Variants in DST observed in about 807,000 individuals in gnomAD.
The protein encoded by DST is dystonin.
A neutral mutation model predicts 875.2 loss-of-function variants in DST; 253 were observed. The ratio of observed to expected loss-of-function variants is 0.29; its 90% CI spans 0.26 to 0.32. DST has a LOEUF of 0.32. Among genes scored for constraint, DST ranks in the 10% least tolerant of loss-of-function variants. The pLI, the probability that DST is intolerant of heterozygous loss-of-function variation, is 1.00. For synonymous variants in DST, 3,124 were observed against 3,197.1 expected (o/e 0.98, Z 0.77); for missense variants, 8,287 against 9,111.6 (o/e 0.91, Z 3.68).
chr6:56,642,803 C>T (rs2098919512), intron 15 of DST: 3 of 1,613,596 alleles, frequency 1.9e-6, no homozygotes, highest in Non-Finnish European at 1.7e-6. Context: ...ATTCCTGAAA[C>T]GATGTTCTTT....
intron 5 of DST, among the ~76,000 whole-genome samples, chr6:56,713,704 A>C (rs565643912): frequency 1.9e-4 from 29 of 152,254 alleles, no homozygotes; most frequent in Admixed American, 5.2e-4. Flanking sequence ...CTTTCAGAGC[A>C]TTATTTCCTA....
At chr6:56,632,526 T>C (rs566782410) in intron 28 of DST, among the ~76,000 whole-genome samples, 39 of 152,348 alleles carry the variant, frequency 2.6e-4, no homozygotes, top group African/African-American at 8.9e-4. Context: ...TTAATCCTTG[T>C]ATAAAATCCA....
At chr6:56,926,061 G>A (rs373119885) in intron 2 of DST, among the ~76,000 whole-genome samples, 76 of 152,076 alleles carry the variant, frequency 5.0e-4, no homozygotes, top group Middle Eastern at 3.4e-3. Flanking sequence ...TCCACAATGT[G>A]AACATAAATC....
rs776367127 is a variant in DST at position 56,616,372 on chromosome 6, T to C, written c.4930-1888A>G. 1.2e-5 allele frequency: 19 copies of C among 1,613,578 alleles called. No individual in the cohort carries two copies. Among genetic ancestry groups the C allele is most frequent in the Middle Eastern group, 1.6e-4 (1 of 6,084 alleles). On this transcript the variant is annotated intron_variant, in intron 36 of 103. Transcript: ENST00000680361. ...ATTGCTGCCCTGAAAGTTCAAGATATATACTTTTCTCAATCAGGTTTCTCT... is the reference window on the plus strand; with the variant it reads ...ATTGCTGCCCTGAAAGTTCAAGATACATACTTTTCTCAATCAGGTTTCTCT...
intron 4 of DST, among the ~76,000 whole-genome samples, chr6:56,754,393 T>A: frequency 6.6e-6 from 1 of 152,330 alleles, no homozygotes; most frequent in South Asian, 2.1e-4. Context: ...TCTTTCTAAG[T>A]TCTATGTTCT....
At chr6:56,735,354 C>T (rs2099519048) in intron 4 of DST, 65 bp from the exon 5 acceptor site, 3 of 936,288 alleles carry the variant, frequency 3.2e-6, no homozygotes, top group African/African-American at 3.3e-5. Flanking sequence ...ACTTTGTGAT[C>T]ATGAATATAA....
chr6:56,719,218 G>A (rs1333917155), intron 5 of DST, among the ~76,000 whole-genome samples: 1 of 152,116 alleles, frequency 6.6e-6, no homozygotes. Flanking sequence ...ATTCTAATAT[G>A]GGTCAGTACA....
chr6:56,476,317 T>C lies in DST; in HGVS notation c.21696A>G (p.Gln7232=), dbSNP rs2095185157. Residue 7232 remains glutamine, a synonymous_variant, in exon 92 of 104, where the codon CAA becomes CAG. Coordinates refer to ENST00000680361, the MANE Select transcript of DST (RefSeq NM_001374736.1). Reference sequence around the variant, plus strand: ...GAGCACTTGCTAATCTCTGCTGATGTTGCTTTGCCCAGGCCAGCACCTGTC... The same window carrying C: ...GAGCACTTGCTAATCTCTGCTGATGCTGCTTTGCCCAGGCCAGCACCTGTC... ...RFEEVLAWAK[Q]HQQRLASALA... 2 of 1,598,798 alleles carry C rather than the reference T, an allele frequency of 1.3e-6. No homozygotes were observed. Among genetic ancestry groups the C allele is most frequent in the African/African-American group, 1.3e-5 (1 of 74,618 alleles).
chr6:56,578,921 A>G lies in DST; in HGVS notation c.12920T>C (p.Ile4307Thr), dbSNP rs1370978941. 3.1e-6 allele frequency: 5 copies of G among 1,598,524 alleles called. No homozygotes were observed. In the South Asian group the frequency reaches 5.7e-5, roughly 18 times the overall value. Residue 4307 changes from isoleucine (I) to threonine (T), a missense_variant, in exon 50 of 104, where the codon ATA (isoleucine) becomes ACA (threonine). Physicochemically the swap from Ile to Thr is moderately conservative, Grantham distance 89. Coordinates refer to ENST00000680361, the MANE Select transcript of DST (RefSeq NM_001374736.1). ...CTCTACAGCAACCTGCTGACTTGATATCTGTCCTTGCAAAGCCTGTAGGAT... is the reference window on the plus strand; with the variant it reads ...CTCTACAGCAACCTGCTGACTTGATGTCTGTCCTTGCAAAGCCTGTAGGAT... ...LEETKALQGQ[I>T]SSQQVAVEKL...
At chr6:56,660,783 T>G (rs759567092) in intron 10 of DST, among the ~76,000 whole-genome samples, 4 of 151,328 alleles carry the variant, frequency 2.6e-5, no homozygotes, top group Non-Finnish European at 5.9e-5. Flanking sequence ...TTCTACAAAG[T>G]GACTCTCCAT....
chr6:56,683,820 A>C (rs907392644), intron 9 of DST, among the ~76,000 whole-genome samples: 6 of 152,348 alleles, frequency 3.9e-5, no homozygotes, highest in Non-Finnish European at 2.9e-5. Context: ...CCAATGCACA[A>C]AAGTGTCCAA....
chr6:56,625,018 T>C (rs759059639), intron 35 of DST, 139 bp downstream of exon 35: 51 of 699,124 alleles, frequency 7.3e-5, no homozygotes, highest in Non-Finnish European at 8.4e-5. Context: ...TACTGCAATG[T>C]CATTAAACTG....
chr6:56,757,059 T>G (rs1383856565), intron 4 of DST, among the ~76,000 whole-genome samples: 1 of 152,224 alleles, frequency 6.6e-6, no homozygotes, highest in Non-Finnish European at 1.5e-5. Context: ...TATTTTCATT[T>G]TAAAGCAAAG....
intron 2 of DST, among the ~76,000 whole-genome samples, chr6:56,946,743 A>G (rs1313833040): frequency 1.3e-5 from 2 of 152,186 alleles, no homozygotes; most frequent in Non-Finnish European, 2.9e-5. Context: ...TCAGGAGATA[A>G]AAAGTCACTG....
intron 4 of DST, among the ~76,000 whole-genome samples, chr6:56,770,933 G>C (rs1414519951): frequency 1.3e-5 from 2 of 151,350 alleles, no homozygotes; most frequent in Non-Finnish European, 2.9e-5. Flanking sequence ...CCGGGAGGCA[G>C]AGGTTGCGTG....
At position 56,605,748 on chromosome 6, in the gene DST, C is replaced by T; in HGVS notation, c.8880G>A (p.Lys2960=). The part of the protein sequence containing the change: ...SELGTDLANT[K]VKLIQGSELP... ...ATTCTGACCCTTGAATCAACTTAAC[C>T]TTTGTGTTTGCTAGATCAGTACCTA... The change falls in exon 40 of 104, where the codon AAG becomes AAA. Residue 2960 remains lysine (K), a synonymous_variant. Coordinates refer to ENST00000680361, the MANE Select transcript of DST (RefSeq NM_001374736.1). 3 of 1,612,750 alleles carry T rather than the reference C, an allele frequency of 1.9e-6. No individual in the cohort carries two copies. The South Asian group carries it at 3.3e-5, about 18-fold the overall frequency.
intron 2 of DST, among the ~76,000 whole-genome samples, chr6:56,939,441 C>A (rs1013660961): frequency 2.6e-5 from 4 of 152,202 alleles, no homozygotes; most frequent in Non-Finnish European, 4.4e-5. Flanking sequence ...AGTTCTAAGG[C>A]ATGATACAAT....
At chr6:56,762,169 C>T (rs140930214) in intron 4 of DST, among the ~76,000 whole-genome samples, 3 of 151,998 alleles carry the variant, frequency 2.0e-5, no homozygotes, top group Non-Finnish European at 2.9e-5. Flanking sequence ...TACAGGTATG[C>T]GCCACCACGC....
In DST at chr6:56,463,531, A is replaced by C. The variant is rs748891342; in HGVS notation, c.22959+34T>G. On this transcript the variant is annotated intron_variant, in intron 101 of 103. Transcript: ENST00000680361. The stretch of plus-strand genomic sequence containing the variant: ...AAGTCTACTTGGGACATTGATTGCA[A>C]AGGTGGAGGAAAAGTCTTCATCCTG... The C allele has an allele frequency of 2.6e-6, 4 of 1,515,704 alleles. No homozygotes were observed. The East Asian group carries it at 9.1e-5, about 34-fold the overall frequency. The allele number at this position is 1,515,704 out of a possible 1,614,324, so 93.9% of individuals were successfully genotyped here.
Sources: gnomAD v4.1 joint callset for allele counts (sites outside exome capture counted in the v4.1 genomes callset) on GRCh38, gnomAD v4.1.1 for gene constraint, MANE v1.5 for transcripts, NCBI Gene and HGNC (gene_info 2026-07-23, HGNC 2026-07-21) for gene names.